SOS2: variants seen among roughly 807,000 people sequenced by gnomAD.
SOS2 encodes the protein son of sevenless homolog 2.
SOS2 carries 65 observed loss-of-function variants against 148.2 expected under a neutral mutation model. That is an observed-to-expected ratio of 0.44 (90% confidence interval 0.36 to 0.54). The LOEUF is 0.54. SOS2 is among the 20% of genes least tolerant of loss of function. The pLI is 0.00. For missense variants in SOS2, 1,341 were observed against 1,590.2 expected (o/e 0.84, Z 2.67); for synonymous variants, 539 against 537.1 (o/e 1.00, Z -0.05).
chr14:50,183,586 C>T (rs1885814907), intron 5 of SOS2, among the ~76,000 whole-genome samples: 1 of 152,218 alleles, frequency 6.6e-6, no homozygotes, highest in South Asian at 2.1e-4. Flanking sequence ...GTGGATGATT[C>T]TAAGCTACTT....
chr14:50,173,751 C>T (rs1434627804), intron 8 of SOS2, among the ~76,000 whole-genome samples: 1 of 152,062 alleles, frequency 6.6e-6, no homozygotes, highest in Non-Finnish European at 1.5e-5. Context: ...AATAGATGAG[C>T]AACTTCATTG....
chr14:50,153,264 A>G (rs1884717575), intron 12 of SOS2, 91 bp from the exon 13 acceptor site: 2 of 699,508 alleles, frequency 2.9e-6, no homozygotes, highest in Non-Finnish European at 5.1e-6. Context: ...AGCTTTACAT[A>G]CAAGGGTCAA....
intron 10 of SOS2, among the ~76,000 whole-genome samples, chr14:50,158,868 C>T (rs927967074): frequency 1.3e-5 from 2 of 151,892 alleles, no homozygotes; most frequent in African/African-American, 2.4e-5. Context: ...CCTTAATAAG[C>T]GAGGATTGTT....
At chr14:50,190,217 A>C (rs898459682) in intron 4 of SOS2, among the ~76,000 whole-genome samples, 5 of 152,144 alleles carry the variant, frequency 3.3e-5, no homozygotes, top group African/African-American at 1.2e-4. Context: ...CTAGTTAATT[A>C]TATATTTAAG....
chr14:50,189,488 G>A (rs558961912), intron 4 of SOS2, among the ~76,000 whole-genome samples: 2 of 152,206 alleles, frequency 1.3e-5, no homozygotes, highest in Admixed American at 1.3e-4. Flanking sequence ...AGAATTCAAT[G>A]TGGTAATGTA....
At chr14:50,225,884 T>C (rs953733092) in intron 1 of SOS2, among the ~76,000 whole-genome samples, 2 of 152,200 alleles carry the variant, frequency 1.3e-5, no homozygotes, top group African/African-American at 4.8e-5. Flanking sequence ...TCTACCATAC[T>C]AGCTTCATCC....
At chr14:50,129,930 T>G in intron 21 of SOS2, 31 bp downstream of exon 21, 1 of 1,393,198 alleles carries the variant, frequency 7.2e-7, no homozygotes, top group Non-Finnish European at 1.0e-6. Context: ...TTACAGTCAT[T>G]TCATTAAGAA....
intron 4 of SOS2, 42 bp downstream of exon 4, chr14:50,199,649 A>G (rs1715558240): frequency 8.4e-7 from 1 of 1,185,512 alleles, no homozygotes; most frequent in Non-Finnish European, 1.2e-6. Flanking sequence ...AAATTAGTAT[A>G]GTTGCTATTC....
In SOS2 at chr14:50,231,091, G is replaced by C. The variant is rs75383437; in HGVS notation, c.87+106C>G. On this transcript the variant is annotated intron_variant, in intron 1 of 22. Transcript: ENST00000216373. The stretch of plus-strand genomic sequence containing the variant: ...CCCCCATTGCCAGCCAACGAGAAAC[G>C]GCTCGGCCCCGGGGACTCGAGCCCT... 4,853 of 655,466 alleles carry C rather than the reference G, an allele frequency of 7.4e-3. 174 individuals carry two copies. In the African/African-American group the frequency reaches 0.078, roughly 11 times the overall value. The allele number at this position is 655,466 out of a possible 1,614,324, so 40.6% of individuals were successfully genotyped here. A position where few individuals can be genotyped will look rare whatever the true frequency, so the allele number is the denominator to read the frequency against.
intron 8 of SOS2, among the ~76,000 whole-genome samples, chr14:50,168,835 T>C (rs1226773014): frequency 6.6e-6 from 1 of 152,176 alleles, no homozygotes; most frequent in East Asian, 1.9e-4. Context: ...CTGGAACAGT[T>C]TTAACCCACT....
chr14:50,165,707 T>C (rs915262859), intron 8 of SOS2, among the ~76,000 whole-genome samples: 4 of 152,228 alleles, frequency 2.6e-5, no homozygotes, highest in African/African-American at 4.8e-5. Flanking sequence ...ACTAGGTGGT[T>C]GTCAGAAGTA....
chr14:50,194,207 T>C (rs1248093133), intron 4 of SOS2, among the ~76,000 whole-genome samples: 5 of 152,182 alleles, frequency 3.3e-5, no homozygotes, highest in Non-Finnish European at 7.3e-5. Flanking sequence ...TGCTCATTCA[T>C]TTATGGCTGC....
At chr14:50,155,155 A>C (rs973572102) in intron 12 of SOS2, among the ~76,000 whole-genome samples, 1 of 152,178 alleles carries the variant, frequency 6.6e-6, no homozygotes, top group Non-Finnish European at 1.5e-5. Flanking sequence ...ATGGGTGTTC[A>C]TTGTAAAATT....
intron 17 of SOS2, among the ~76,000 whole-genome samples, chr14:50,139,717 T>C (rs555232158): frequency 1.1e-4 from 17 of 152,198 alleles, no homozygotes; most frequent in Non-Finnish European, 2.4e-4. Flanking sequence ...CTAGACTTAT[T>C]AGGTAGTACA....
At position 50,231,245 on chromosome 14, in the gene SOS2, C is replaced by T; in HGVS notation, c.39G>A (p.Glu13=). 2 of 1,509,822 alleles carry T rather than the reference C, an allele frequency of 1.3e-6. No individual in the cohort carries two copies. Among genetic ancestry groups the T allele is most frequent in the Non-Finnish European group, 1.8e-6 (2 of 1,117,910 alleles). 93.5% of individuals were successfully genotyped at this position (1,509,822 alleles called of 1,614,324 possible). The change falls in exon 1 of 23, where the codon GAG becomes GAA. Residue 13 remains glutamate (E), a synonymous_variant. Transcript: ENST00000216373. ...QAPQPYEFFS[E]ENSPKWRGLL... is the part of the protein sequence containing the mutation. ...GTCCCCGCCATTTCGGACTGTTCTC[C>T]TCGCTGAAGAACTCGTAAGGCTGCG... is the stretch of plus-strand genomic sequence containing the variant.
intron 18 of SOS2, among the ~76,000 whole-genome samples, chr14:50,136,753 C>T (rs1594963313): frequency 6.6e-6 from 1 of 152,052 alleles, no homozygotes; most frequent in Admixed American, 6.6e-5. Context: ...CCACACCCAG[C>T]GAATTTTTGT....
At chr14:50,160,146 T>C (rs1299240842) in intron 9 of SOS2, 60 bp from the exon 10 acceptor site, 1 of 1,297,464 alleles carries the variant, frequency 7.7e-7, no homozygotes, top group Admixed American at 2.1e-5. Flanking sequence ...GTTTCAAGCA[T>C]AAACCATCTC....
Position 50,188,654 on chromosome 14 carries a change from A to G in SOS2, c.557T>C (p.Leu186Pro). 2 of 1,610,836 alleles carry G rather than the reference A, an allele frequency of 1.2e-6. No homozygotes were observed. The highest frequency in any genetic ancestry group is 2.2e-5 in the South Asian group (2 of 90,530). ...FDQDDIGLVS[L>P]CEDEPSSSGE... ...AGAAGAACTAGGTTCATCTTCACAG[A>G]GAGAAACCAAACCTATGTCATCCTG... The change falls in exon 5 of 23, where the codon CTC becomes CCC. Residue 186 changes from leucine (L) to proline (P), a missense_variant. Around this residue, in one of 4 missense-constraint regions of SOS2, gnomAD observed 574 missense variants for 711.1 expected, o/e 0.81. Transcript: ENST00000216373.
At chr14:50,230,805 A>G in intron 1 of SOS2, 1 of 748,074 alleles carries the variant, frequency 1.3e-6, no homozygotes, top group Non-Finnish European at 1.6e-6. Flanking sequence ...TAGGGGGAAC[A>G]CTCCCAAAGA....
Sources: allele counts gnomAD v4.1 joint callset (sites outside exome capture counted in the v4.1 genomes callset), GRCh38; gene constraint gnomAD v4.1.1; regional missense constraint gnomAD v4.1.1; transcripts MANE v1.5; gene names NCBI Gene and HGNC (gene_info 2026-07-23, HGNC 2026-07-21).